The following ZDHHC17 variants were observed in gnomAD, a reference collection of about 807,000 sequenced individuals.
The protein encoded by ZDHHC17 is zDHHC palmitoyltransferase 17.
Under a neutral mutation model 90.3 loss-of-function variants are expected in ZDHHC17, and 40 were observed. The ratio of observed to expected loss-of-function variants is 0.44; its 90% CI spans 0.34 to 0.58. The LOEUF is 0.58. ZDHHC17 is among the 20% of genes least tolerant of loss of function. The pLI is 0.01. For synonymous variants in ZDHHC17, 235 were observed against 252.4 expected (o/e 0.93, Z 0.65); for missense variants, 614 against 780.8 (o/e 0.79, Z 2.55).
At chr12:76,811,435 A>G (rs912589024) in intron 5 of ZDHHC17, among the ~76,000 whole-genome samples, 5 of 151,852 alleles carry the variant, frequency 3.3e-5, no homozygotes, top group African/African-American at 9.7e-5. Flanking sequence ...TTGAGTCTTC[A>G]TGGTCTTTTT....
chr12:76,811,685 A>C (rs553141734), intron 5 of ZDHHC17, among the ~76,000 whole-genome samples: 1 of 152,038 alleles, frequency 6.6e-6, no homozygotes. Context: ...ATATTCAGGC[A>C]TAATAGAATA....
At chr12:76,774,588 C>G (rs1952536981) in intron 1 of ZDHHC17, among the ~76,000 whole-genome samples, 1 of 152,184 alleles carries the variant, frequency 6.6e-6, no homozygotes, top group Non-Finnish European at 1.5e-5. Context: ...CCACATTCTT[C>G]TACTTAGTAG....
chr12:76,827,179 ATG>A (rs759235475), intron 9 of ZDHHC17, 129 bp downstream of exon 9: 686 of 994,530 alleles, frequency 6.9e-4, no homozygotes, highest in Admixed American at 1.1e-3. Context: ...AGACATCTGT[ATG>A]TGAAATATGA....
At chr12:76,769,167 T>C in intron 1 of ZDHHC17, 1 of 276,646 alleles carries the variant, frequency 3.6e-6, no homozygotes, top group Non-Finnish European at 7.6e-6. Flanking sequence ...CAAGCGATTC[T>C]CCTGCATCAG....
chr12:76,764,302 G>T lies in ZDHHC17; in HGVS notation c.66G>T (p.Ala22=). ...GCCCGGATGAGTACGATACCGAAGC[G>T]GGCTGTGTGCCCCTTCTCCACCCAG... The part of the protein sequence containing the change: ...ADGPDEYDTE[A]GCVPLLHPEE... The change falls in exon 1 of 17, where the codon GCG becomes GCT. Residue 22 remains alanine (A), a synonymous_variant. Transcript: ENST00000426126. 3 of 1,604,952 alleles carry T rather than the reference G, an allele frequency of 1.9e-6. No individual in the cohort carries two copies. The highest frequency in any genetic ancestry group is 1.7e-6 in the Non-Finnish European group (2 of 1,175,876).
chr12:76,838,389 A>T (rs1953394856), intron 10 of ZDHHC17, among the ~76,000 whole-genome samples: 1 of 152,176 alleles, frequency 6.6e-6, no homozygotes, highest in Non-Finnish European at 1.5e-5. Context: ...GGGCAAATAT[A>T]TTCAGACTTT....
At chr12:76,813,007 C>T (rs1024941369) in intron 5 of ZDHHC17, among the ~76,000 whole-genome samples, 3 of 152,108 alleles carry the variant, frequency 2.0e-5, no homozygotes, top group Non-Finnish European at 4.4e-5. Context: ...TTTTAAATCC[C>T]GACCCAAAGA....
chr12:76,826,604 G>T (rs554755875), intron 8 of ZDHHC17, among the ~76,000 whole-genome samples: 1 of 152,150 alleles, frequency 6.6e-6, no homozygotes, highest in Admixed American at 6.5e-5. Context: ...TATTTTTCAT[G>T]AACTGTTTGC....
At chr12:76,827,442 AG>A (rs1453238909) in intron 9 of ZDHHC17, among the ~76,000 whole-genome samples, 4 of 152,144 alleles carry the variant, frequency 2.6e-5, no homozygotes, top group African/African-American at 9.6e-5. Context: ...AGCAAGGAAG[AG>A]GTTTTATTTC....
chr12:76,792,321 T>C (rs1230231665), intron 1 of ZDHHC17, among the ~76,000 whole-genome samples: 2 of 152,334 alleles, frequency 1.3e-5, no homozygotes, highest in African/African-American at 2.4e-5. Context: ...ATTACACTTA[T>C]ACCACAATAG....
chr12:76,779,812 G>A (rs1952601958), intron 1 of ZDHHC17, among the ~76,000 whole-genome samples: 1 of 151,646 alleles, frequency 6.6e-6, no homozygotes, highest in Admixed American at 6.6e-5. Context: ...TAACATTCAA[G>A]TTCATGATTA....
At chr12:76,840,329 A>G (rs1592497532) in intron 10 of ZDHHC17, 1 of 144,046 alleles carries the variant, frequency 6.9e-6, no homozygotes, top group Non-Finnish European at 1.5e-5. Flanking sequence ...GAGTGTGCCT[A>G]TTTCCATTAA....
At chr12:76,813,977 A>G (rs1953054653) in intron 5 of ZDHHC17, among the ~76,000 whole-genome samples, 1 of 152,102 alleles carries the variant, frequency 6.6e-6, no homozygotes, top group African/African-American at 2.4e-5. Context: ...ATAGATAAGC[A>G]TGTCTTTTCC....
chr12:76,815,611 A>G (rs1592484000), intron 6 of ZDHHC17, among the ~76,000 whole-genome samples: 1 of 151,980 alleles, frequency 6.6e-6, no homozygotes, highest in South Asian at 2.1e-4. Context: ...TCAAAAATAG[A>G]AAATATCAGG....
At chr12:76,805,555 A>G in intron 3 of ZDHHC17, 116 bp downstream of exon 3, 1 of 957,958 alleles carries the variant, frequency 1.0e-6, no homozygotes, top group African/African-American at 1.7e-5. Context: ...TTTAGAAGAT[A>G]GATTCTGTGT....
At chr12:76,782,704 G>A (rs1278894214) in intron 1 of ZDHHC17, among the ~76,000 whole-genome samples, 1 of 152,138 alleles carries the variant, frequency 6.6e-6, no homozygotes, top group Admixed American at 6.6e-5. Flanking sequence ...GTCAGAGAAA[G>A]CCAGAAGTGG....
intron 2 of ZDHHC17, among the ~76,000 whole-genome samples, chr12:76,804,932 A>G (rs899836685): frequency 6.6e-6 from 1 of 151,844 alleles, no homozygotes; most frequent in Admixed American, 6.6e-5. Flanking sequence ...TCTTCTTGAT[A>G]CTCTTCTAAA....
intron 2 of ZDHHC17, among the ~76,000 whole-genome samples, chr12:76,802,070 A>T (rs1230230648): frequency 1.3e-5 from 2 of 152,122 alleles, no homozygotes; most frequent in Admixed American, 6.5e-5. Flanking sequence ...TATGCCTTTG[A>T]GTTACTGTCT....
At chr12:76,776,799 A>G (rs1952565535) in intron 1 of ZDHHC17, among the ~76,000 whole-genome samples, 1 of 152,322 alleles carries the variant, frequency 6.6e-6, no homozygotes. Flanking sequence ...TATATACAGA[A>G]AGTTCAATTG....
Sources: allele counts gnomAD v4.1 joint callset (sites outside exome capture counted in the v4.1 genomes callset), GRCh38; gene constraint gnomAD v4.1.1; transcripts MANE v1.5; gene names NCBI Gene and HGNC (gene_info 2026-07-23, HGNC 2026-07-21).